The following THG1L variants were observed in gnomAD, a reference collection of about 807,000 sequenced individuals.
The protein encoded by THG1L is probable tRNA(His) guanylyltransferase.
A neutral mutation model predicts 35.2 loss-of-function variants in THG1L; 27 were observed. That is an observed-to-expected ratio of 0.77 (90% confidence interval 0.57 to 1.06). The LOEUF (loss-of-function observed/expected upper bound fraction) is 1.06, where lower values mean the gene tolerates loss of function less well. Among genes scored for constraint, THG1L ranks in the 50% least tolerant of loss-of-function variants. THG1L has a pLI of 0.00. For synonymous variants in THG1L, 135 were observed against 132.4 expected (o/e 1.02, Z -0.14); for missense variants, 377 against 371.8 (o/e 1.01, Z -0.12).
Position 157,732,947 on chromosome 5 carries a change from A to G in THG1L, c.271A>G (p.Met91Val). The G allele has an allele frequency of 6.2e-7, 1 of 1,614,232 alleles. No individual in the cohort carries two copies. Among genetic ancestry groups the G allele is most frequent in the Non-Finnish European group, 8.5e-7 (1 of 1,180,046 alleles). ...QLMTKCAQTV[M>V]EELEDIVIAY... ...GATGACCAAATGTGCGCAGACTGTG[A>G]TGGAAGAACTAGAGGATATTGTGAT... The change falls in exon 2 of 6, where the codon ATG becomes GTG. Residue 91 changes from methionine to valine, a missense_variant. Transcript: ENST00000231198.
chr5:157,732,133 A>T (rs1025966941), intron 1 of THG1L, among the ~76,000 whole-genome samples: 1 of 148,096 alleles, frequency 6.8e-6, no homozygotes, highest in African/African-American at 2.5e-5. Context: ...CAGGAGGATC[A>T]CTTAAGGCCA....
Position 157,739,685 on chromosome 5 carries a change from G to C in THG1L, c.*203G>C. 2.2e-6 allele frequency: 1 copy of C among 449,008 alleles called. No homozygotes were observed. The highest frequency in any genetic ancestry group is 3.7e-6 in the Non-Finnish European group (1 of 269,410). The allele number at this position is 449,008 out of a possible 1,614,324, so 27.8% of individuals were successfully genotyped here. A position where few individuals can be genotyped will look rare whatever the true frequency, so the allele number is the denominator to read the frequency against. ...TGTTTAAGCAGAACACCTTGTTTGC[G>C]GTGTTGGAACATGGTTCCTTTGGCA... On this transcript the variant is annotated 3_prime_UTR_variant, in exon 6 of 6. Coordinates refer to ENST00000231198, the MANE Select transcript of THG1L (RefSeq NM_017872.5).
intron 4 of THG1L, 45 bp downstream of exon 4, chr5:157,735,979 CTG>C (rs1375453217): frequency 7.8e-7 from 1 of 1,284,668 alleles, no homozygotes; most frequent in African/African-American, 1.5e-5. Flanking sequence ...GGACAGTTCG[CTG>C]TAGGCTCTCC....
chr5:157,741,394 G>T lies in THG1L; in HGVS notation c.*1912G>T, dbSNP rs1033648476. 2.6e-5 allele frequency: 4 copies of T among 152,176 alleles called. No homozygotes were observed. Among genetic ancestry groups the T allele is most frequent in the African/African-American group, 9.6e-5 (4 of 41,522 alleles). 9.4% of individuals were successfully genotyped at this position (152,176 alleles called of 1,614,324 possible). A position where few individuals can be genotyped will look rare whatever the true frequency, so the allele number is the denominator to read the frequency against. Reference sequence around the variant, plus strand: ...CACAGAAAGAGGAGATACGGTTCTTGTTTGGTAATTGCTAAAATCTCTTTG... The same window carrying T: ...CACAGAAAGAGGAGATACGGTTCTTTTTTGGTAATTGCTAAAATCTCTTTG... On this transcript the variant is annotated 3_prime_UTR_variant, in exon 6 of 6. Coordinates refer to ENST00000231198, the MANE Select transcript of THG1L (RefSeq NM_017872.5).
intron 4 of THG1L, among the ~76,000 whole-genome samples, chr5:157,736,212 C>T (rs928231893): frequency 6.6e-6 from 1 of 151,936 alleles, no homozygotes; most frequent in Non-Finnish European, 1.5e-5. Flanking sequence ...TTGCCTGAAG[C>T]CGTGTATGAC....
chr5:157,733,618 A>G (rs2113033204), intron 2 of THG1L, among the ~76,000 whole-genome samples: 1 of 152,040 alleles, frequency 6.6e-6, no homozygotes, highest in Middle Eastern at 3.4e-3. Flanking sequence ...GACATGAGCC[A>G]CCACGCCCAG....
chr5:157,738,806 G>A (rs538884676), intron 5 of THG1L: 2 of 246,450 alleles, frequency 8.1e-6, no homozygotes, highest in Non-Finnish European at 1.6e-5. Flanking sequence ...TCCTAAGATT[G>A]CTTCAGAATA....
rs552468618 is a variant in THG1L at position 157,739,411 on chromosome 5, C to T, written c.826C>T (p.Pro276Ser). 1 of 1,613,804 alleles carries T rather than the reference C, an allele frequency of 6.2e-7. No homozygotes were observed. Among genetic ancestry groups the T allele is most frequent in the Admixed American group, 1.7e-5 (1 of 60,000 alleles). The change falls in exon 6 of 6, where the codon CCC becomes TCC. Residue 276 changes from proline to serine, a missense_variant. By Grantham distance (74) the Pro-to-Ser change is moderately conservative. Transcript: ENST00000231198. Reference protein sequence around the residue: ...AVTRTRTKPVPLHCDIIGDAF... With the variant: ...AVTRTRTKPVSLHCDIIGDAF... Reference sequence around the variant, plus strand: ...GACCCGGACCAGGACAAAGCCAGTGCCCTTGCACTGCGATATCATCGGGGA... The same window carrying T: ...GACCCGGACCAGGACAAAGCCAGTGTCCTTGCACTGCGATATCATCGGGGA...
chr5:157,738,232 C>G (rs2113047988), intron 5 of THG1L, among the ~76,000 whole-genome samples: 2 of 152,242 alleles, frequency 1.3e-5, no homozygotes, highest in East Asian at 3.9e-4. Flanking sequence ...CTTTATTTTT[C>G]TGTGTTGTAA....
chr5:157,733,483 A>G (rs1380150274), intron 2 of THG1L, among the ~76,000 whole-genome samples: 1 of 152,092 alleles, frequency 6.6e-6, no homozygotes, highest in Non-Finnish European at 1.5e-5. Context: ...TCATATAATG[A>G]ATTGGTTTTT....
chr5:157,734,617 A>G lies in THG1L; in HGVS notation c.410A>G (p.Tyr137Cys), dbSNP rs775636014. The change falls in exon 3 of 6, where the codon TAT (tyrosine) becomes TGT (cysteine). Residue 137 changes from tyrosine (Y) to cysteine (C), a missense_variant. Coordinates refer to ENST00000231198, the MANE Select transcript of THG1L (RefSeq NM_017872.5). ...THVASQFASS[Y>C]VFYWRDYFED... is the part of the protein sequence containing the mutation. ...GTGGCCTCCCAGTTTGCCTCCAGCT[A>G]TGTGTTTTATTGGCGGGATTACTTT... The G allele has an allele frequency of 6.2e-7, 1 of 1,614,128 alleles. No individual in the cohort carries two copies. The highest frequency in any genetic ancestry group is 2.2e-5 in the East Asian group (1 of 44,878).
In THG1L at chr5:157,732,904, C is replaced by T. The variant is rs765359644; in HGVS notation, c.228C>T (p.Asp76=). Residue 76 remains aspartate, a synonymous_variant, in exon 2 of 6, where the codon GAC becomes GAT. Coordinates refer to ENST00000231198, the MANE Select transcript of THG1L (RefSeq NM_017872.5). ...AGCACAACTTTGCAAAACCCAATGA[C>T]AGCCGTGCTCTCCAGCTGATGACCA... The part of the protein sequence containing the change: ...AEKHNFAKPN[D]SRALQLMTKC... 62 of 1,614,082 alleles carry T rather than the reference C, an allele frequency of 3.8e-5. 1 individual carries two copies. Among genetic ancestry groups the T allele is most frequent in the Non-Finnish European group, 5.0e-5 (59 of 1,180,048 alleles).
In THG1L at chr5:157,735,841, C is replaced by T. The variant is rs910072166; in HGVS notation, c.539-5C>T. On this transcript the variant is annotated splice_polypyrimidine_tract_variant and splice_region_variant and intron_variant, in intron 3 of 5. Coordinates refer to ENST00000231198, the MANE Select transcript of THG1L (RefSeq NM_017872.5). Reference sequence around the variant, plus strand: ...ATAAACATTACTATTTTGTTCTCCTCACAGGTCACATCAATAATCTTTATA... The same window carrying T: ...ATAAACATTACTATTTTGTTCTCCTTACAGGTCACATCAATAATCTTTATA... 9 of 1,581,794 alleles carry T rather than the reference C, an allele frequency of 5.7e-6. No individual in the cohort carries two copies. In the African/African-American group the frequency reaches 9.5e-5, roughly 17 times the overall value.
At chr5:157,732,767 T>A (rs1760762526) in intron 1 of THG1L, 101 bp from the exon 2 acceptor site, 1 of 1,407,140 alleles carries the variant, frequency 7.1e-7, no homozygotes, top group African/African-American at 1.4e-5. Flanking sequence ...CACAGTGCTA[T>A]TACATTATCT....
chr5:157,734,733 C>T lies in THG1L; in HGVS notation c.526C>T (p.Arg176Ter), dbSNP rs747543478. ...NQTLKDYLSW[R>*]QADCHINNLY... ...GACTTTAAAGGACTACCTCAGCTGG[C>T]GACAAGCAGATTGTGAGTGGCACCA... is the stretch of plus-strand genomic sequence containing the variant. Residue 176 changes from arginine (R) to a stop codon, truncating the protein, a stop_gained, in exon 3 of 6, where the codon CGA (arginine) becomes TGA (stop). Transcript: ENST00000231198. LOFTEE classifies it high-confidence loss of function. The T allele has an allele frequency of 3.4e-5, 55 of 1,613,978 alleles. No individual in the cohort carries two copies. Among genetic ancestry groups the T allele is most frequent in the Non-Finnish European group, 4.3e-5 (51 of 1,180,020 alleles).
At position 157,734,734 on chromosome 5, in the gene THG1L, G is replaced by A. The variant is rs751177549; in HGVS notation, c.527G>A (p.Arg176Gln). The A allele has an allele frequency of 3.9e-5, 63 of 1,613,974 alleles. No individual in the cohort carries two copies. Among genetic ancestry groups the A allele is most frequent in the East Asian group, 3.6e-4 (16 of 44,888 alleles). ...NQTLKDYLSW[R>Q]QADCHINNLY... ...ACTTTAAAGGACTACCTCAGCTGGCGACAAGCAGATTGTGAGTGGCACCAA... is the reference window on the plus strand; with the variant it reads ...ACTTTAAAGGACTACCTCAGCTGGCAACAAGCAGATTGTGAGTGGCACCAA... The change falls in exon 3 of 6, where the codon CGA becomes CAA. Residue 176 changes from arginine to glutamine, a missense_variant. Transcript: ENST00000231198.
At chr5:157,736,065 A>G in intron 4 of THG1L, 131 bp downstream of exon 4, 3 of 647,440 alleles carry the variant, frequency 4.6e-6, no homozygotes, top group South Asian at 1.9e-5. Context: ...GAAAGGATAT[A>G]AAAATCATAA....
intron 4 of THG1L, among the ~76,000 whole-genome samples, chr5:157,737,021 C>G (rs931805772): frequency 1.3e-5 from 2 of 152,004 alleles, no homozygotes; most frequent in African/African-American, 4.8e-5. Context: ...TGGTCTTGAA[C>G]TCCTGGGCTC....
chr5:157,731,727 T>G, intron 1 of THG1L, 96 bp downstream of exon 1: 31 of 1,456,890 alleles, frequency 2.1e-5, no homozygotes, highest in African/African-American at 2.8e-5. Context: ...CCAGTCACGG[T>G]TACCAGGGTA....
Sources: allele counts gnomAD v4.1 joint callset (sites outside exome capture counted in the v4.1 genomes callset), GRCh38; gene constraint gnomAD v4.1.1; transcripts MANE v1.5; gene names NCBI Gene and HGNC (gene_info 2026-07-23, HGNC 2026-07-21).